The following PTPRD variants were observed in gnomAD, a reference collection of about 807,000 sequenced individuals.
PTPRD encodes protein tyrosine phosphatase receptor type D, also known as receptor-type tyrosine-protein phosphatase delta.
Under a neutral mutation model 214.5 loss-of-function variants are expected in PTPRD, and 34 were observed. The ratio of observed to expected loss-of-function variants is 0.16; its 90% CI spans 0.12 to 0.21. The LOEUF (loss-of-function observed/expected upper bound fraction) is 0.21, where lower values mean the gene tolerates loss of function less well. PTPRD is among the 10% of genes least tolerant of loss of function. PTPRD has a pLI of 1.00. For synonymous variants in PTPRD, 1,128 were observed against 845.7 expected (o/e 1.33, Z -5.79); for missense variants, 2,545 against 2,398.7 (o/e 1.06, Z -1.27).
In PTPRD at chr9:8,375,958, C is replaced by T. The variant is rs2134800608; in HGVS notation, c.4639G>A (p.Gly1547Ser). 6.2e-7 allele frequency: 1 copy of T among 1,612,500 alleles called. No homozygotes were observed. The highest frequency in any genetic ancestry group is 8.5e-7 in the Non-Finnish European group (1 of 1,179,022). The change falls in exon 39 of 46, where the codon GGT (glycine) becomes AGT (serine). Residue 1547 changes from glycine to serine, a missense_variant. Coordinates refer to ENST00000381196, the MANE Select transcript of PTPRD (RefSeq NM_002839.4). ...RVKTCNPPDA[G>S]PMVVHCSAGV... ...TACCTGCAGTGCACAACCATCGGAC[C>T]AGCATCGGGAGGGTTACAGGTTTTG...
At chr9:8,330,939 GT>G (rs1563986265) in intron 44 of PTPRD, among the ~76,000 whole-genome samples, 1 of 151,852 alleles carries the variant, frequency 6.6e-6, no homozygotes, top group Non-Finnish European at 1.5e-5. Flanking sequence ...TTGTTAGAAG[GT>G]TTTTGCATAG....
chr9:9,303,047 C>G (rs1191506292), intron 9 of PTPRD, among the ~76,000 whole-genome samples: 1 of 151,816 alleles, frequency 6.6e-6, no homozygotes, highest in African/African-American at 2.4e-5. Context: ...TAAGAGAAGA[C>G]CTTTTCTTTT....
intron 7 of PTPRD, among the ~76,000 whole-genome samples, chr9:9,681,449 A>G (rs563274063): frequency 6.6e-6 from 1 of 151,854 alleles, no homozygotes; most frequent in African/African-American, 2.4e-5. Flanking sequence ...GCCCCAAGCA[A>G]TATTTGAGTA....
chr9:10,220,377 G>C (rs754585257), intron 3 of PTPRD, among the ~76,000 whole-genome samples: 2 of 151,852 alleles, frequency 1.3e-5, no homozygotes, highest in Non-Finnish European at 2.9e-5. Flanking sequence ...TTCAGAAACT[G>C]AGAACCAAAT....
intron 2 of PTPRD, among the ~76,000 whole-genome samples, chr9:10,412,254 T>C (rs1321497647): frequency 1.3e-5 from 2 of 151,508 alleles, no homozygotes; most frequent in Non-Finnish European, 2.9e-5. Context: ...CCCACAGAAA[T>C]AAAAATAACA....
rs551329250 is a variant in PTPRD, at chr9:10,493,547, T to C, written c.-600+118851A>G. Among the ~76,000 whole-genome samples the C allele has an allele frequency of 3.9e-5, 6 of 152,244 alleles. No homozygotes were observed. In the South Asian group the frequency reaches 8.3e-4, roughly 21 times the overall value. On this transcript the variant is annotated intron_variant, in intron 2 of 45. Transcript: ENST00000381196. ...GTGTTGGGAAAATTGGCTAGCCATA[T>C]GCAGAAAACTGAAACTGGACCCCTT...
intron 33 of PTPRD, among the ~76,000 whole-genome samples, chr9:8,457,523 T>C (rs1359942506): frequency 2.0e-5 from 3 of 152,072 alleles, no homozygotes; most frequent in East Asian, 1.9e-4. Context: ...AAAAGTTAAA[T>C]GAACAGAATG....
chr9:8,747,760 C>G (rs1373247796), intron 11 of PTPRD, among the ~76,000 whole-genome samples: 1 of 152,128 alleles, frequency 6.6e-6, no homozygotes, highest in Non-Finnish European at 1.5e-5. Context: ...CTTCACCAAA[C>G]CTTTCACTTA....
intron 14 of PTPRD, among the ~76,000 whole-genome samples, chr9:8,620,376 G>A (rs1006359925): frequency 9.9e-5 from 15 of 151,944 alleles, no homozygotes; most frequent in African/African-American, 3.4e-4. Flanking sequence ...TGCCGCTCAT[G>A]GAGAATCAGT....
Position 8,732,344 on chromosome 9 carries a change from G to C in PTPRD, c.64+1436C>G, listed in dbSNP as rs143493016. Among the ~76,000 whole-genome samples, 281 of 152,194 alleles carry C rather than the reference G, an allele frequency of 1.8e-3. 2 individuals are homozygous for C. Among genetic ancestry groups the C allele is most frequent in the African/African-American group, 6.5e-3 (270 of 41,508 alleles). On this transcript the variant is annotated intron_variant, in intron 12 of 45. Coordinates refer to ENST00000381196, the MANE Select transcript of PTPRD (RefSeq NM_002839.4). The stretch of plus-strand genomic sequence containing the variant: ...TCTAGCTGTGATCTGACATTAAACT[G>C]GGCTCCCAGGGTCTAAATGGGCTTT...
intron 18 of PTPRD, 50 bp downstream of exon 18, chr9:8,524,875 T>C: frequency 2.7e-6 from 4 of 1,508,114 alleles, no homozygotes; most frequent in Non-Finnish European, 2.8e-6. Flanking sequence ...GCGTCTCAAC[T>C]CCCCCTGAGC....
intron 9 of PTPRD, among the ~76,000 whole-genome samples, chr9:9,329,419 A>C (rs1255117709): frequency 6.6e-6 from 1 of 152,158 alleles, no homozygotes; most frequent in Non-Finnish European, 1.5e-5. Flanking sequence ...CATGCCCTTT[A>C]CTGTGAGATA....
At chr9:8,870,836 G>C (rs1273649393) in intron 11 of PTPRD, among the ~76,000 whole-genome samples, 1 of 152,006 alleles carries the variant, frequency 6.6e-6, no homozygotes, top group East Asian at 1.9e-4. Context: ...GGCCCCTCTG[G>C]CTCTCTCAGA....
At chr9:10,171,842 G>C (rs1441264588) in intron 3 of PTPRD, among the ~76,000 whole-genome samples, 1 of 152,032 alleles carries the variant, frequency 6.6e-6, no homozygotes, top group African/African-American at 2.4e-5. Flanking sequence ...TTTATTAGCA[G>C]TGTGAAAATG....
At chr9:9,992,843 C>A (rs192039055) in intron 4 of PTPRD, among the ~76,000 whole-genome samples, 119 of 151,926 alleles carry the variant, frequency 7.8e-4, no homozygotes, top group African/African-American at 2.8e-3. Context: ...GAGATAAACC[C>A]AATGTAAATG....
intron 9 of PTPRD, among the ~76,000 whole-genome samples, chr9:9,276,893 C>G (rs1945859121): frequency 1.3e-5 from 2 of 151,406 alleles, no homozygotes; most frequent in Non-Finnish European, 3.0e-5. Context: ...GTGTCGTGCT[C>G]TGTGTCTCTA....
At chr9:10,485,169 C>G (rs950087601) in intron 2 of PTPRD, among the ~76,000 whole-genome samples, 3 of 152,038 alleles carry the variant, frequency 2.0e-5, no homozygotes, top group African/African-American at 4.8e-5. Context: ...AATGAGTTCA[C>G]TGCAGGTATG....
At chr9:8,530,301 T>A (rs761672883) in intron 14 of PTPRD, among the ~76,000 whole-genome samples, 4 of 152,008 alleles carry the variant, frequency 2.6e-5, no homozygotes, top group African/African-American at 7.2e-5. Flanking sequence ...TCTCAGCCTC[T>A]TAGGGATCAA....
At chr9:8,370,896 GT>G (rs529945492) in intron 39 of PTPRD, among the ~76,000 whole-genome samples, 1 of 152,060 alleles carries the variant, frequency 6.6e-6, no homozygotes, top group Admixed American at 6.6e-5. Context: ...GGCCTCTGCT[GT>G]TTTTTCTTCT....
Sources: gnomAD v4.1 joint callset for allele counts (sites outside exome capture counted in the v4.1 genomes callset) on GRCh38, gnomAD v4.1.1 for gene constraint, MANE v1.5 for transcripts, NCBI Gene and HGNC (gene_info 2026-07-23, HGNC 2026-07-21) for gene names.